TRPM6: variants seen among roughly 807,000 people sequenced by gnomAD.
TRPM6 encodes the protein channel kinase 2.
TRPM6 carries 111 observed loss-of-function variants against 247.6 expected under a neutral mutation model. The ratio of observed to expected loss-of-function variants is 0.45; its 90% confidence interval spans 0.38 to 0.52. The LOEUF (loss-of-function observed/expected upper bound fraction) is 0.52. Among genes scored for constraint, TRPM6 ranks in the 20% least tolerant of loss-of-function variants. The pLI is 0.00. For missense variants in TRPM6, 2,126 were observed against 2,421.5 expected, an observed-to-expected ratio of 0.88 and a Z score of 2.56; for synonymous variants, 892 against 853.8, an observed-to-expected ratio of 1.04 and a Z score of -0.78.
At chr9:74,804,647 G>A in intron 14 of TRPM6, 1 of 748,980 alleles carries the variant, frequency 1.3e-6, no homozygotes, top group East Asian at 2.5e-5. Context: ...GCATGAAGGT[G>A]TCCTCTGTGA....
At chr9:74,822,954 C>G (rs1405615273) in intron 7 of TRPM6, among the ~76,000 whole-genome samples, 1 of 152,014 alleles carries the variant, frequency 6.6e-6, no homozygotes, top group Non-Finnish European at 1.5e-5. Flanking sequence ...ACACTATGAA[C>G]AGTGGAAAAG....
At position 74,782,549 on chromosome 9, in the gene TRPM6, G is replaced by T. The variant is rs372271849; in HGVS notation, c.3095-73C>A. 46 of 1,438,308 alleles carry T rather than the reference G, an allele frequency of 3.2e-5. No individual in the cohort carries two copies. The East Asian group carries it at 5.3e-4, about 17-fold the overall frequency. The allele number at this position is 1,438,308 out of a possible 1,614,324, so 89.1% of individuals were successfully genotyped here. A position where few individuals can be genotyped will look rare whatever the true frequency, so the allele number is the denominator to read the frequency against. ...TCCTGCCACTCTAGACACACATTTA[G>T]CACATTAACTGCACAGAATACCATA... On this transcript the variant is annotated intron_variant, in intron 22 of 38. Coordinates refer to ENST00000360774, the MANE Select transcript of TRPM6 (RefSeq NM_017662.5).
intron 1 of TRPM6, among the ~76,000 whole-genome samples, chr9:74,862,393 C>T (rs143924641): frequency 1.5e-3 from 222 of 152,158 alleles, no homozygotes; most frequent in African/African-American, 5.0e-3. Flanking sequence ...CAGTCTTCAT[C>T]GACTGGATGT....
At chr9:74,859,729 G>C (rs112670035) in intron 1 of TRPM6, among the ~76,000 whole-genome samples, 1 of 150,324 alleles carries the variant, frequency 6.7e-6, no homozygotes, top group Non-Finnish European at 1.5e-5. Context: ...AGCCGAGATT[G>C]CACCACTGCA....
intron 1 of TRPM6, among the ~76,000 whole-genome samples, chr9:74,883,565 T>C (rs1162664502): frequency 1.3e-5 from 2 of 152,236 alleles, no homozygotes; most frequent in Non-Finnish European, 2.9e-5. Flanking sequence ...GAAAATGCTA[T>C]ACCTATGATC....
intron 13 of TRPM6, among the ~76,000 whole-genome samples, chr9:74,809,742 AC>A (rs1828658296): frequency 6.6e-6 from 1 of 152,046 alleles, no homozygotes; most frequent in Admixed American, 6.6e-5. Context: ...ACTTTGGGAG[AC>A]CAAGGCGGGT....
intron 1 of TRPM6, 171 bp downstream of exon 1, chr9:74,887,653 G>A: frequency 1.9e-6 from 3 of 1,587,830 alleles, no homozygotes; most frequent in Non-Finnish European, 2.6e-6. Flanking sequence ...AATCATCTTT[G>A]GGTGGAGACC....
At chr9:74,883,566 A>G (rs906282636) in intron 1 of TRPM6, among the ~76,000 whole-genome samples, 2 of 152,174 alleles carry the variant, frequency 1.3e-5, no homozygotes, top group Non-Finnish European at 2.9e-5. Flanking sequence ...AAAATGCTAT[A>G]CCTATGATCT....
At chr9:74,786,560 GA>G (rs1289607660) in intron 20 of TRPM6, among the ~76,000 whole-genome samples, 2 of 151,780 alleles carry the variant, frequency 1.3e-5, no homozygotes, top group Admixed American at 6.6e-5. Context: ...CTAAAACGGT[GA>G]AACCCCATCT....
At chr9:74,774,118 T>C (rs944607230) in intron 24 of TRPM6, among the ~76,000 whole-genome samples, 5 of 152,168 alleles carry the variant, frequency 3.3e-5, no homozygotes, top group African/African-American at 1.2e-4. Flanking sequence ...TTATCCTCAA[T>C]ATAAAGGATC....
chr9:74,777,466 T>TTTG (rs987016045), intron 23 of TRPM6, among the ~76,000 whole-genome samples: 1 of 152,128 alleles, frequency 6.6e-6, no homozygotes, highest in Non-Finnish European at 1.5e-5. Context: ...ACACTGGACA[T>TTTG]TTGTTGTTGT....
At chr9:74,828,200 A>C (rs904008567) in intron 6 of TRPM6, among the ~76,000 whole-genome samples, 18 of 151,934 alleles carry the variant, frequency 1.2e-4, no homozygotes, top group Non-Finnish European at 2.5e-4. Flanking sequence ...AAAAATACAC[A>C]AAAAAATTGG....
chr9:74,790,618 T>C (rs1218092541), intron 19 of TRPM6, among the ~76,000 whole-genome samples: 2 of 152,206 alleles, frequency 1.3e-5, no homozygotes, highest in Admixed American at 6.5e-5. Flanking sequence ...CGTCTTCTTC[T>C]CACCGCCCCT....
intron 30 of TRPM6, among the ~76,000 whole-genome samples, chr9:74,749,544 C>G (rs1826168064): frequency 1.3e-5 from 2 of 152,142 alleles, no homozygotes; most frequent in South Asian, 4.1e-4. Flanking sequence ...TCTGGACAAG[C>G]CTACAAATCA....
chr9:74,828,785 C>A (rs966434809), intron 6 of TRPM6, among the ~76,000 whole-genome samples: 1 of 151,930 alleles, frequency 6.6e-6, no homozygotes, highest in Non-Finnish European at 1.5e-5. Context: ...CACATCTCCA[C>A]GCTTGGCTAA....
At chr9:74,758,379 T>C (rs1475525250) in intron 27 of TRPM6, among the ~76,000 whole-genome samples, 1 of 151,944 alleles carries the variant, frequency 6.6e-6, no homozygotes, top group African/African-American at 2.4e-5. Flanking sequence ...AAAAAACTAA[T>C]GAAAAGTTTA....
At chr9:74,861,838 C>T (rs963200429) in intron 1 of TRPM6, among the ~76,000 whole-genome samples, 1 of 151,908 alleles carries the variant, frequency 6.6e-6, no homozygotes, top group African/African-American at 2.4e-5. Flanking sequence ...CAGTTCCTCT[C>T]ATACTATGAT....
At chr9:74,817,481 G>A (rs759352584) in intron 9 of TRPM6, among the ~76,000 whole-genome samples, 16 of 152,126 alleles carry the variant, frequency 1.1e-4, no homozygotes, top group South Asian at 2.1e-4. Context: ...GAGTCACCAC[G>A]CCCAGCCAGA....
At chr9:74,810,792 T>C (rs949261859) in intron 13 of TRPM6, 23 bp downstream of exon 13, 1 of 1,610,294 alleles carries the variant, frequency 6.2e-7, no homozygotes, top group South Asian at 1.1e-5. Context: ...AAAGACATGT[T>C]CACGCCTTCT....
Sources: allele counts gnomAD v4.1 joint callset (sites outside exome capture counted in the v4.1 genomes callset), GRCh38; gene constraint gnomAD v4.1.1; transcripts MANE v1.5; gene names NCBI Gene and HGNC (gene_info 2026-07-23, HGNC 2026-07-21).